IL23R: variants seen among roughly 807,000 people sequenced by gnomAD.
IL23R encodes interleukin 23 receptor.
A neutral mutation model predicts 56.9 loss-of-function variants in IL23R; 34 were observed. That is an observed-to-expected ratio of 0.60 (90% CI 0.45 to 0.80). IL23R has a LOEUF of 0.80. IL23R is among the 30% of genes least tolerant of loss of function. IL23R has a pLI of 0.00. For synonymous variants in IL23R, 230 were observed against 249.2 expected (o/e 0.92, Z 0.73); for missense variants, 635 against 730.0 (o/e 0.87, Z 1.50).
chr1:67,164,407 A>G (rs986148042), upstream of IL23R, among the ~76,000 whole-genome samples: 4 of 152,112 alleles, frequency 2.6e-5, no homozygotes, highest in Admixed American at 2.6e-4. Flanking sequence ...CCAAGGCAGG[A>G]GGATCACCTG....
At chr1:67,161,311 A>T (rs1646817200) in intron 1 of IL23R, among the ~76,000 whole-genome samples, 1 of 152,156 alleles carries the variant, frequency 6.6e-6, no homozygotes, top group Non-Finnish European at 1.5e-5. Flanking sequence ...CTTTCCTTGA[A>T]GTTTTTCTTG....
chr1:67,256,491 T>C (rs987767512), intron 10 of IL23R, among the ~76,000 whole-genome samples: 3 of 152,052 alleles, frequency 2.0e-5, no homozygotes, highest in Non-Finnish European at 2.9e-5. Context: ...ACATTACTGA[T>C]TATAAAGGAG....
At chr1:67,182,709 G>T in intron 3 of IL23R, 127 bp from the exon 4 acceptor site, 1 of 954,210 alleles carries the variant, frequency 1.0e-6, no homozygotes, top group Non-Finnish European at 1.7e-6. Flanking sequence ...TGAAGAAATC[G>T]TTCGTCTTCT....
chr1:67,225,201 A>G (rs1008359066), intron 7 of IL23R, among the ~76,000 whole-genome samples: 1 of 152,246 alleles, frequency 6.6e-6, no homozygotes, highest in African/African-American at 2.4e-5. Flanking sequence ...TTTGTTATGG[A>G]AATGCAAACG....
chr1:67,168,191 G>GTA lies in IL23R; in HGVS notation c.70+3_70+4dup, dbSNP rs780351729. On this transcript the variant is annotated splice_donor_variant, in intron 2 of 10. Transcript: ENST00000347310. LOFTEE classifies it high-confidence loss of function. ...ATACTCTTCAGCTGGTGTCATGGAG[G>GTA]TATGGTGTTTTATGTATCTATTGCT... 13 of 1,600,042 alleles carry GTA rather than the reference G, an allele frequency of 8.1e-6. No homozygotes were observed. Among genetic ancestry groups the GTA allele is most frequent in the African/African-American group, 1.3e-5 (1 of 74,604 alleles).
At chr1:67,202,603 A>T (rs1301803251) in intron 5 of IL23R, among the ~76,000 whole-genome samples, 1 of 152,160 alleles carries the variant, frequency 6.6e-6, no homozygotes, top group South Asian at 2.1e-4. Flanking sequence ...TATAATTTAT[A>T]TATTAGAAAA....
At chr1:67,219,292 C>T (rs1279577524) in intron 6 of IL23R, among the ~76,000 whole-genome samples, 9 of 152,012 alleles carry the variant, frequency 5.9e-5, no homozygotes, top group Admixed American at 4.6e-4. Context: ...CGCTTGAACC[C>T]GGGAGGCGGA....
chr1:67,263,020 T>C (rs986190724), downstream of IL23R, among the ~76,000 whole-genome samples: 12 of 151,434 alleles, frequency 7.9e-5, no homozygotes, highest in East Asian at 2.3e-3. Context: ...AAGGAGGAGG[T>C]GCAAGTCAAG....
chr1:67,239,256 TTTTGTTTG>T (rs1253364959), intron 8 of IL23R, among the ~76,000 whole-genome samples: 1 of 151,968 alleles, frequency 6.6e-6, no homozygotes, highest in Non-Finnish European at 1.5e-5. Context: ...AAAGCATTGG[TTTTGTTTG>T]TTTGTTTGTT....
rs112721442 is a variant in IL23R, at chr1:67,214,857, C to A, written c.799-4717C>A. The stretch of plus-strand genomic sequence containing the variant: ...AAGACAGGCAACCCAGCACCAGGCC[C>A]GAAACCAGGACTGGGCCTGCCTGGC... On this transcript the variant is annotated intron_variant, in intron 6 of 10. Transcript: ENST00000347310. Among the ~76,000 whole-genome samples, 19 of 152,238 alleles carry A rather than the reference C, an allele frequency of 1.2e-4. 1 individual carries two copies. The highest frequency in any genetic ancestry group is 4.3e-4 in the African/African-American group (18 of 41,532).
intron 5 of IL23R, 22 bp downstream of exon 5, chr1:67,200,919 A>C: frequency 6.2e-7 from 1 of 1,611,554 alleles, no homozygotes; most frequent in Non-Finnish European, 8.5e-7. Context: ...GAAATTCTGT[A>C]AGTCTTTAAT....
intron 9 of IL23R, among the ~76,000 whole-genome samples, chr1:67,249,686 T>C (rs1375200943): frequency 6.6e-6 from 1 of 152,168 alleles, no homozygotes; most frequent in East Asian, 1.9e-4. Context: ...TTACCTCTCC[T>C]TTGGATGCTC....
intron 1 of IL23R, among the ~76,000 whole-genome samples, chr1:67,144,883 C>T (rs1237658680): frequency 1.3e-5 from 2 of 152,180 alleles, no homozygotes; most frequent in African/African-American, 4.8e-5. Flanking sequence ...ATCTCTGAAA[C>T]TCCAGTTTCA....
At chr1:67,207,539 C>A in intron 6 of IL23R, 1 of 312,892 alleles carries the variant, frequency 3.2e-6, no homozygotes, top group South Asian at 2.9e-5. Flanking sequence ...CCAGTCTTTC[C>A]CACACTAGTC....
intron 6 of IL23R, among the ~76,000 whole-genome samples, chr1:67,209,893 C>G (rs1277827692): frequency 6.6e-6 from 1 of 152,180 alleles, no homozygotes; most frequent in Non-Finnish European, 1.5e-5. Context: ...TAAGAGGAAT[C>G]TAATTAGCTA....
At chr1:67,197,026 G>A (rs1648206777) in intron 4 of IL23R, among the ~76,000 whole-genome samples, 1 of 152,198 alleles carries the variant, frequency 6.6e-6, no homozygotes, top group African/African-American at 2.4e-5. Flanking sequence ...ATGTGAAATA[G>A]CAGGTGAAGC....
rs886928588 is a variant in IL23R at position 67,259,388 on chromosome 1, G to T, written c.*260G>T. The T allele has an allele frequency of 2.4e-5, 11 of 463,124 alleles. No individual in the cohort carries two copies. Among genetic ancestry groups the T allele is most frequent in the African/African-American group, 2.2e-4 (11 of 50,724 alleles). 28.7% of individuals were successfully genotyped at this position (463,124 alleles called of 1,614,324 possible). On this transcript the variant is annotated 3_prime_UTR_variant, in exon 11 of 11. Transcript: ENST00000347310. ...CTGTGCTCCTACCATCACCATGTAA[G>T]AATTCCCGGGAGCTCCATGCCTTTT...
chr1:67,258,343 G>A, intron 10 of IL23R, 135 bp from the exon 11 acceptor site: 1 of 598,874 alleles, frequency 1.7e-6, no homozygotes, highest in South Asian at 2.8e-5. Context: ...GAAATCATAT[G>A]GGAAGATAAA....
intron 6 of IL23R, among the ~76,000 whole-genome samples, chr1:67,215,591 G>A (rs1320388594): frequency 6.6e-6 from 1 of 152,226 alleles, no homozygotes; most frequent in East Asian, 1.9e-4. Context: ...AACGTTCAAA[G>A]CTACATGGTA....
Sources: gnomAD v4.1 joint callset for allele counts (sites outside exome capture counted in the v4.1 genomes callset) on GRCh38, gnomAD v4.1.1 for gene constraint, MANE v1.5 for transcripts, NCBI Gene and HGNC (gene_info 2026-07-23, HGNC 2026-07-21) for gene names.